Variants in STK10 observed in about 807,000 individuals in gnomAD.
STK10 encodes serine/threonine kinase 10.
STK10 carries 78 observed loss-of-function variants against 113.8 expected under a neutral mutation model. That is an observed-to-expected ratio of 0.69 (90% confidence interval 0.57 to 0.83). The LOEUF is 0.83. Ranked by LOEUF, STK10 falls within the 40% of genes least tolerant of loss-of-function variation. The pLI, the probability that STK10 is intolerant of heterozygous loss-of-function variation, is 0.00. For synonymous variants in STK10, 465 were observed against 494.7 expected, an observed-to-expected ratio of 0.94 and a Z score of 0.80; for missense variants, 1,109 against 1,280.1, an observed-to-expected ratio of 0.87 and a Z score of 2.04.
intron 4 of STK10, among the ~76,000 whole-genome samples, chr5:172,111,075 G>C (rs1769227810): frequency 6.6e-6 from 1 of 152,186 alleles, no homozygotes; most frequent in Non-Finnish European, 1.5e-5. Flanking sequence ...GGTGCTGCAA[G>C]TGAGGTGCAG....
At chr5:172,079,493 T>C (rs1399438297) in intron 12 of STK10, among the ~76,000 whole-genome samples, 1 of 152,142 alleles carries the variant, frequency 6.6e-6, no homozygotes, top group Non-Finnish European at 1.5e-5. Flanking sequence ...TTTTGTTTGT[T>C]TGTCTGGCTT....
intron 6 of STK10, among the ~76,000 whole-genome samples, chr5:172,106,301 C>T (rs1041902096): frequency 4.7e-5 from 7 of 148,678 alleles, no homozygotes; most frequent in East Asian, 2.0e-4. Flanking sequence ...ACAAGGGAGG[C>T]TGAGGTGTGA....
chr5:172,095,895 T>G (rs1768838334), intron 8 of STK10, among the ~76,000 whole-genome samples: 1 of 152,202 alleles, frequency 6.6e-6, no homozygotes, highest in Admixed American at 6.5e-5. Flanking sequence ...CATGTTTTCC[T>G]TGGCTCACAG....
At chr5:172,063,797 C>A (rs1767986999) in intron 13 of STK10, among the ~76,000 whole-genome samples, 2 of 152,176 alleles carry the variant, frequency 1.3e-5, no homozygotes, top group South Asian at 4.1e-4. Flanking sequence ...ATGAACAGCT[C>A]CTACCATAGT....
chr5:172,162,571 C>T (rs1770492954), intron 1 of STK10, among the ~76,000 whole-genome samples: 1 of 152,184 alleles, frequency 6.6e-6, no homozygotes, highest in African/African-American at 2.4e-5. Context: ...ACACATTCCT[C>T]TTTCTCTTCC....
chr5:172,057,998 T>A (rs1378847954), intron 14 of STK10, among the ~76,000 whole-genome samples: 1 of 152,050 alleles, frequency 6.6e-6, no homozygotes, highest in African/African-American at 2.4e-5. Flanking sequence ...ATGGGTGAGA[T>A]CCTCCTTGTC....
intron 16 of STK10, 96 bp from the exon 17 acceptor site, chr5:172,054,790 G>A (rs1231974378): frequency 6.5e-7 from 1 of 1,550,186 alleles, no homozygotes; most frequent in Non-Finnish European, 8.7e-7. Context: ...ACCCCTCAGG[G>A]GGACTGGTCT....
intron 12 of STK10, among the ~76,000 whole-genome samples, chr5:172,078,907 A>G (rs1768370137): frequency 6.6e-6 from 1 of 151,170 alleles, no homozygotes; most frequent in Admixed American, 6.6e-5. Context: ...AAACTAGGCA[A>G]CTTCCTCTGT....
chr5:172,096,343 T>A, intron 8 of STK10, 83 bp downstream of exon 8: 1 of 1,575,780 alleles, frequency 6.3e-7, no homozygotes, highest in Admixed American at 1.7e-5. Flanking sequence ...AGTCCTGGCC[T>A]TCCCTGCCCC....
chr5:172,121,710 C>CTGAA (rs1769514056), intron 3 of STK10, among the ~76,000 whole-genome samples: 1 of 151,604 alleles, frequency 6.6e-6, no homozygotes, highest in Non-Finnish European at 1.5e-5. Flanking sequence ...AACTCTGTCT[C>CTGAA]TAAATAAATA....
intron 12 of STK10, among the ~76,000 whole-genome samples, chr5:172,070,256 T>A (rs59919427): frequency 0.36 from 52,932 of 145,392 alleles, 9,517 homozygotes; most frequent in African/African-American, 0.42. Flanking sequence ...CTCAAAAAAA[T>A]ATATATCTAT....
At chr5:172,053,620 A>T (rs900944311) in intron 17 of STK10, among the ~76,000 whole-genome samples, 1 of 152,252 alleles carries the variant, frequency 6.6e-6, no homozygotes, top group African/African-American at 2.4e-5. Flanking sequence ...AGCAGTGACA[A>T]GTCCCTGTTG....
At chr5:172,081,986 G>A (rs1201779969) in intron 12 of STK10, among the ~76,000 whole-genome samples, 1 of 152,134 alleles carries the variant, frequency 6.6e-6, no homozygotes, top group African/African-American at 2.4e-5. Flanking sequence ...TCGCCCTTCT[G>A]GGAACAGCAT....
intron 1 of STK10, among the ~76,000 whole-genome samples, chr5:172,169,458 G>A (rs1468846297): frequency 6.6e-6 from 1 of 152,094 alleles, no homozygotes; most frequent in Non-Finnish European, 1.5e-5. Context: ...TAAGTGGGAT[G>A]GTGAATGGAT....
In STK10 at chr5:172,082,483, G is replaced by A. The variant is rs113809101; in HGVS notation, c.1832C>T (p.Thr611Met). Residue 611 changes from threonine (T) to methionine (M), a missense_variant, in exon 12 of 19, where the codon ACG becomes ATG. Coordinates refer to ENST00000176763, the MANE Select transcript of STK10 (RefSeq NM_005990.4). The surrounding 1 kb of genome is among the most constrained non-coding windows in gnomAD (Gnocchi z 4.3). ...EINAKKKFFD[T>M]ELENLERQQK... Reference sequence around the variant, plus strand: ...CTGACGCTCCAGGTTCTCTAATTCCGTGTCAAAGAACTTCTTCTTGGCCTG... The same window carrying A: ...CTGACGCTCCAGGTTCTCTAATTCCATGTCAAAGAACTTCTTCTTGGCCTG... The A allele has an allele frequency of 9.8e-4, 1,565 of 1,592,424 alleles. 8 individuals carry two copies. Among genetic ancestry groups the A allele is most frequent in the African/African-American group, 8.0e-3 (587 of 73,482 alleles).
chr5:172,098,671 T>C (rs867363656), intron 7 of STK10, among the ~76,000 whole-genome samples: 8 of 152,140 alleles, frequency 5.3e-5, no homozygotes, highest in Admixed American at 5.2e-4. Flanking sequence ...TTACTAATCA[T>C]AGGAGGCAAA....
At chr5:172,181,896 A>G (rs1163759473) in intron 1 of STK10, among the ~76,000 whole-genome samples, 1 of 152,168 alleles carries the variant, frequency 6.6e-6, no homozygotes, top group East Asian at 1.9e-4. Flanking sequence ...AAAAGTCTAG[A>G]AGGAAATATA....
chr5:172,172,190 C>CA (rs1770674043), intron 1 of STK10, among the ~76,000 whole-genome samples: 2 of 151,954 alleles, frequency 1.3e-5, no homozygotes, highest in South Asian at 4.1e-4. Context: ...AACTCCATCT[C>CA]AAAAAAACAA....
chr5:172,188,182 C>G lies in STK10; in HGVS notation c.-140G>C. 1 of 1,402,116 alleles carries G rather than the reference C, an allele frequency of 7.1e-7. No homozygotes were observed. The highest frequency in any genetic ancestry group is 9.4e-7 in the Non-Finnish European group (1 of 1,063,996). 86.9% of individuals were successfully genotyped at this position (1,402,116 alleles called of 1,614,324 possible). A position where few individuals can be genotyped will look rare whatever the true frequency, so the allele number is the denominator to read the frequency against. On this transcript the variant is annotated 5_prime_UTR_variant, in exon 1 of 19. Coordinates refer to ENST00000176763, the MANE Select transcript of STK10 (RefSeq NM_005990.4). The surrounding 1 kb of genome is among the most constrained non-coding windows in gnomAD (Gnocchi z 5.6). ...CCCAGACCCGCCTTTCCCCGCAGCC[C>G]GACCTCGGTCAAGTGTGCCCTGGGC...
Sources: allele counts gnomAD v4.1 joint callset (sites outside exome capture counted in the v4.1 genomes callset), GRCh38; gene constraint gnomAD v4.1.1; non-coding constraint Gnocchi (gnomAD v3.1); transcripts MANE v1.5; gene names NCBI Gene and HGNC (gene_info 2026-07-23, HGNC 2026-07-21).